The following LST1 variants were observed in gnomAD, a reference collection of about 807,000 sequenced individuals.
LST1 encodes leukocyte-specific transcript 1 protein.
LST1 carries 9 observed loss-of-function variants against 8.5 expected under a neutral mutation model. The ratio of observed to expected loss-of-function variants is 1.06; its 90% confidence interval spans 0.64 to 1.85. The LOEUF is 1.85. Among genes scored for constraint, LST1 ranks in the 40% most tolerant of loss-of-function variants. The probability of loss-of-function intolerance (pLI) is 0.00; values close to 1 mark genes in which losing one functional copy is unlikely to be tolerated. For synonymous variants in LST1, 53 were observed against 50.4 expected, an observed-to-expected ratio of 1.05 and a Z score of -0.21; for missense variants, 121 against 117.1, an observed-to-expected ratio of 1.03 and a Z score of -0.16.
chr6:31,588,428 G>A (rs28732144), intron 4 of LST1, 90 bp from the exon 5 acceptor site: 48,155 of 1,348,298 alleles, frequency 0.036, 1,087 homozygotes, highest in South Asian at 0.05. Flanking sequence ...GAGAGGGAGA[G>A]AAGTAAGAAA....
chr6:31,587,894 C>T (rs764898490), intron 3 of LST1, 50 bp from the exon 4 acceptor site: 6 of 1,588,352 alleles, frequency 3.8e-6, no homozygotes, highest in East Asian at 2.2e-5. Flanking sequence ...CGGGAGGGCC[C>T]GGGAGAAGCA....
intron 4 of LST1, 113 bp from the exon 5 acceptor site, chr6:31,588,398 GAGAGGGA>G: frequency 1.6e-5 from 15 of 955,546 alleles, no homozygotes; most frequent in South Asian, 8.2e-5. Context: ...GAGAGAGAGA[GAGAGGGA>G]GAGAGAGAGA....
At position 31,588,110 on chromosome 6, in the gene LST1, C is replaced by A. The variant is rs1255775013; in HGVS notation, c.135+144C>A. ...GGAGCATGAGAGAGGCAGAGAAAATCGAGGCAAAAGAGAAAGAGAAAATGA... is the reference window on the plus strand; with the variant it reads ...GGAGCATGAGAGAGGCAGAGAAAATAGAGGCAAAAGAGAAAGAGAAAATGA... On this transcript the variant is annotated intron_variant, in intron 4 of 4. Transcript: ENST00000438075. The A allele has an allele frequency of 3.9e-5, 31 of 789,808 alleles. 1 individual carries two copies. The highest frequency in any genetic ancestry group is 5.3e-5 in the Non-Finnish European group (28 of 524,144). 48.9% of individuals were successfully genotyped at this position (789,808 alleles called of 1,614,324 possible).
At position 31,587,330 on chromosome 6, in the gene LST1, G is replaced by A. The variant is rs1260673986; in HGVS notation, c.19+12G>A. On this transcript the variant is annotated intron_variant, in intron 2 of 4. Coordinates refer to ENST00000438075, the MANE Select transcript of LST1 (RefSeq NM_205839.3). The stretch of plus-strand genomic sequence containing the variant: ...ATCGCGGAATGATGGTAAGTAAAGT[G>A]TCTCTTGCATCTGCATAGAGAGAGT... 2.5e-6 allele frequency: 4 copies of A among 1,613,296 alleles called. No individual in the cohort carries two copies. The highest frequency in any genetic ancestry group is 1.3e-5 in the African/African-American group (1 of 74,876).
chr6:31,587,614 C>T (rs2150405654), intron 2 of LST1, 27 bp from the exon 3 acceptor site: 1 of 1,430,938 alleles, frequency 7.0e-7, no homozygotes, highest in Non-Finnish European at 9.7e-7. Context: ...GAATGGGCTT[C>T]CTAACCTTGA....
rs182098167 is a variant in LST1 at position 31,586,906 on chromosome 6, A to G, written c.-100-294A>G. The G allele has an allele frequency of 4.6e-3, 1,257 of 273,048 alleles. 18 individuals carry two copies. Among genetic ancestry groups the G allele is most frequent in the African/African-American group, 0.024 (1,090 of 45,510 alleles). The allele number at this position is 273,048 out of a possible 1,614,324, so 16.9% of individuals were successfully genotyped here. A position where few individuals can be genotyped will look rare whatever the true frequency, so the allele number is the denominator to read the frequency against. ...CATCCCCTTACCAGCACCTAGAACC[A>G]TCCAGGGCTGAAAAGTCCCCTCCAA... is the stretch of plus-strand genomic sequence containing the variant. On this transcript the variant is annotated intron_variant, in intron 1 of 4. Coordinates refer to ENST00000438075, the MANE Select transcript of LST1 (RefSeq NM_205839.3).
intron 2 of LST1, 47 bp from the exon 3 acceptor site, chr6:31,587,594 G>T: frequency 8.1e-7 from 1 of 1,227,462 alleles, no homozygotes; most frequent in South Asian, 1.4e-5. Flanking sequence ...GCTGGGGTAC[G>T]CTGGAGAAGG....
At chr6:31,588,396 GAGA>G in intron 4 of LST1, 119 bp from the exon 5 acceptor site, 1 of 953,810 alleles carries the variant, frequency 1.0e-6, no homozygotes, top group Non-Finnish European at 1.6e-6. Context: ...GAGAGAGAGA[GAGA>G]GAGGGAGAGA....
At chr6:31,588,012 T>C (rs1349944822) in intron 4 of LST1, 46 bp downstream of exon 4, 66 of 1,559,112 alleles carry the variant, frequency 4.2e-5, no homozygotes, top group Non-Finnish European at 5.6e-5. Flanking sequence ...AGATCCTGAG[T>C]GGGTGAGTGG....
chr6:31,588,412 G>C, intron 4 of LST1, 106 bp from the exon 5 acceptor site: 1 of 1,211,750 alleles, frequency 8.3e-7, no homozygotes. Flanking sequence ...GGGAGAGAGA[G>C]AGAGAGAGAG....
intron 2 of LST1, 67 bp downstream of exon 2, chr6:31,587,385 G>C (rs554929414): frequency 6.4e-7 from 1 of 1,567,176 alleles, no homozygotes; most frequent in African/African-American, 1.4e-5. Flanking sequence ...ATGGGGAACA[G>C]TGATGTATGC....
At chr6:31,588,238 G>A in intron 4 of LST1, 1 of 586,828 alleles carries the variant, frequency 1.7e-6, no homozygotes, top group Non-Finnish European at 3.0e-6. Context: ...GAGAGAGAGA[G>A]AGAGGCTCCA....
chr6:31,588,319 T>C, intron 4 of LST1, 199 bp from the exon 5 acceptor site: 5 of 641,722 alleles, frequency 7.8e-6, no homozygotes, highest in Non-Finnish European at 1.3e-5. Flanking sequence ...TAGCTTGAGC[T>C]CAGGGGTTGA....
intron 4 of LST1, 105 bp downstream of exon 4, chr6:31,588,071 G>A: frequency 8.1e-7 from 1 of 1,228,702 alleles, no homozygotes; most frequent in African/African-American, 1.5e-5. Context: ...CGGGAGACAA[G>A]GAGAGAGAAA....
chr6:31,588,689 C>A lies in LST1; in HGVS notation c.*13C>A, dbSNP rs540692205. ...CAAACCCACCTGAGCACCCCAGACA[C>A]CTTCCTCAACCCAGGCGGGTGGACA... On this transcript the variant is annotated 3_prime_UTR_variant, in exon 5 of 5. Transcript: ENST00000438075. 3.7e-6 allele frequency: 6 copies of A among 1,612,996 alleles called. No individual in the cohort carries two copies. Among genetic ancestry groups the A allele is most frequent in the Non-Finnish European group, 3.4e-6 (4 of 1,180,020 alleles).
At chr6:31,588,044 G>T in intron 4 of LST1, 78 bp downstream of exon 4, 1 of 1,472,566 alleles carries the variant, frequency 6.8e-7, no homozygotes, top group Non-Finnish European at 9.2e-7. Context: ...GCTGAGCGCT[G>T]AGAGGAGGGT....
At chr6:31,587,548 G>C in intron 2 of LST1, 93 bp from the exon 3 acceptor site, 1 of 848,156 alleles carries the variant, frequency 1.2e-6, no homozygotes, top group Non-Finnish European at 1.9e-6. Context: ...AAAACTGTTG[G>C]AGAGGGAATC....
intron 4 of LST1, chr6:31,588,312 C>T (rs1772191532): frequency 1.6e-6 from 1 of 632,764 alleles, no homozygotes; most frequent in Non-Finnish European, 2.8e-6. Context: ...AGGAAGATAG[C>T]TTGAGCTCAG....
chr6:31,587,910 G>A, intron 3 of LST1, 34 bp from the exon 4 acceptor site: 2 of 1,604,642 alleles, frequency 1.2e-6, no homozygotes, highest in Non-Finnish European at 1.7e-6. Flanking sequence ...AAGCACAAAG[G>A]GTGGGCTGTG....
Sources: allele counts gnomAD v4.1 joint callset, GRCh38; gene constraint gnomAD v4.1.1; transcripts MANE v1.5; gene names NCBI Gene and HGNC (gene_info 2026-07-23, HGNC 2026-07-21).